Variants in PRKN observed in about 807,000 individuals in gnomAD.
PRKN encodes E3 ubiquitin-protein ligase parkin.
PRKN carries 56 observed loss-of-function variants against 59.5 expected under a neutral mutation model. The observed-to-expected ratio is 0.94, with a 90% confidence interval of 0.76 to 1.18. PRKN has a LOEUF of 1.18. PRKN is among the 50% of genes most tolerant of loss of function. PRKN has a pLI of 0.00. For synonymous variants in PRKN, 250 were observed against 222.1 expected, an observed-to-expected ratio of 1.13 and a Z score of -1.12; for missense variants, 657 against 596.4, an observed-to-expected ratio of 1.10 and a Z score of -1.06.
At chr6:162,276,212 G>C (rs954038464) in intron 2 of PRKN, among the ~76,000 whole-genome samples, 1 of 152,100 alleles carries the variant, frequency 6.6e-6, no homozygotes, top group South Asian at 2.1e-4. Flanking sequence ...AATCTCCTTC[G>C]TCTTCCATCT....
chr6:162,145,824 T>C (rs566096322), intron 4 of PRKN, among the ~76,000 whole-genome samples: 1 of 152,222 alleles, frequency 6.6e-6, no homozygotes, highest in East Asian at 1.9e-4. Context: ...TAAACAAACA[T>C]CTGATGGGCG....
At chr6:161,512,637 TAACCACAC>T (rs1778436419) in intron 9 of PRKN, among the ~76,000 whole-genome samples, 1 of 152,154 alleles carries the variant, frequency 6.6e-6, no homozygotes, top group Admixed American at 6.5e-5. Flanking sequence ...GCACCCAAAA[TAACCACAC>T]AACCAAGAGG....
chr6:161,802,305 C>G (rs1791115214), intron 6 of PRKN, among the ~76,000 whole-genome samples: 1 of 152,086 alleles, frequency 6.6e-6, no homozygotes, highest in South Asian at 2.1e-4. Context: ...CACACTGCCC[C>G]TTCTCTGTCC....
rs1487979132 is a variant in PRKN, at chr6:161,376,986, T to C, written c.1167+9808A>G. Among the ~76,000 whole-genome samples the C allele has an allele frequency of 6.6e-6, 1 of 152,222 alleles. No individual in the cohort carries two copies. The highest frequency in any genetic ancestry group is 1.9e-4 in the East Asian group (1 of 5,186). On this transcript the variant is annotated intron_variant, in intron 10 of 11. Transcript: ENST00000366898. The surrounding 1 kb of genome is among the most constrained non-coding windows in gnomAD (Gnocchi z 7.3). ...GCCTGTCACTGTTGGAAGAAAGTGC[T>C]GGAAGCTCTGAGTGGGGCCCCGAGG...
intron 7 of PRKN, among the ~76,000 whole-genome samples, chr6:161,667,713 A>G (rs1436637560): frequency 6.6e-6 from 1 of 152,174 alleles, no homozygotes; most frequent in East Asian, 1.9e-4. Flanking sequence ...TATGTTTTAA[A>G]TTTTATTTAA....
rs10655203 is a variant in PRKN, at chr6:161,405,607, A to AAAAT, written c.1084-18734_1084-18731dup. ...AAAAAATAAAATAAAATAAAAATTA[A>AAAAT]AAATAAATAAATAAATAAATAAATA... On this transcript the variant is annotated intron_variant, in intron 9 of 11. Transcript: ENST00000366898. The surrounding 1 kb of genome is among the most constrained non-coding windows in gnomAD (Gnocchi z 5.1). 0.14 allele frequency among the ~76,000 whole-genome samples: 19,635 copies of AAAAT among 144,928 alleles called. 1,433 individuals carry two copies. The highest frequency in any genetic ancestry group is 0.18 in the Middle Eastern group (51 of 276).
intron 2 of PRKN, among the ~76,000 whole-genome samples, chr6:162,397,279 T>C (rs1787521820): frequency 1.3e-5 from 2 of 152,056 alleles, no homozygotes. Context: ...AGAAGCAAAC[T>C]CGGGAATATC....
At position 161,429,939 on chromosome 6, in the gene PRKN, C is replaced by T. The variant is rs527354502; in HGVS notation, c.1084-43062G>A. On this transcript the variant is annotated intron_variant, in intron 9 of 11. Coordinates refer to ENST00000366898, the MANE Select transcript of PRKN (RefSeq NM_004562.3). The surrounding 1 kb of genome is among the most constrained non-coding windows in gnomAD (Gnocchi z 4.2). Reference sequence around the variant, plus strand: ...GAGGCCAGGAGAAGACCAGAGGTTCCTGGGTCAGAGACAAAGGACCATGCA... The same window carrying T: ...GAGGCCAGGAGAAGACCAGAGGTTCTTGGGTCAGAGACAAAGGACCATGCA... Among the ~76,000 whole-genome samples, 1 of 152,298 alleles carries T rather than the reference C, an allele frequency of 6.6e-6. No individual in the cohort carries two copies. Among genetic ancestry groups the T allele is most frequent in the African/African-American group, 2.4e-5 (1 of 41,536 alleles).
intron 7 of PRKN, among the ~76,000 whole-genome samples, chr6:161,755,240 T>G (rs1262759242): frequency 6.6e-6 from 1 of 152,130 alleles, no homozygotes; most frequent in Non-Finnish European, 1.5e-5. Flanking sequence ...ATTCTTTTTA[T>G]CATCCATACT....
rs1436576885 is a variant in PRKN at position 161,399,482 on chromosome 6, G to C, written c.1084-12605C>G. On this transcript the variant is annotated intron_variant, in intron 9 of 11. Transcript: ENST00000366898. The surrounding 1 kb of genome is among the most constrained non-coding windows in gnomAD (Gnocchi z 4.4). ...GACACTACTGTGGGGCCAGAGCCCAGAAGTGCTCGTCCTGGCTCCTGCACC... is the reference window on the plus strand; with the variant it reads ...GACACTACTGTGGGGCCAGAGCCCACAAGTGCTCGTCCTGGCTCCTGCACC... Among the ~76,000 whole-genome samples, 3 of 152,214 alleles carry C rather than the reference G, an allele frequency of 2.0e-5. No homozygotes were observed. The highest frequency in any genetic ancestry group is 2.9e-5 in the Non-Finnish European group (2 of 68,048).
At chr6:162,322,200 C>T (rs902466859) in intron 2 of PRKN, among the ~76,000 whole-genome samples, 1 of 115,000 alleles carries the variant, frequency 8.7e-6, no homozygotes, top group Non-Finnish European at 2.1e-5. Context: ...ACACCATTTA[C>T]AATAGATCAA....
intron 2 of PRKN, among the ~76,000 whole-genome samples, chr6:162,363,915 T>G (rs956216730): frequency 6.6e-6 from 1 of 152,184 alleles, no homozygotes; most frequent in Non-Finnish European, 1.5e-5. Flanking sequence ...AAGGCTTGCA[T>G]GCGGCTTGCT....
rs558003791 is a variant in PRKN at position 162,367,180 on chromosome 6, TCTC to T, written c.171+76127_171+76129del. On this transcript the variant is annotated intron_variant, in intron 2 of 11. Coordinates refer to ENST00000366898, the MANE Select transcript of PRKN (RefSeq NM_004562.3). ...ACTTTTTCCCCTTTTGCTCGGCAGT[TCTC>T]CTTGCTGCCATCATGTGATGAAGGA... is the stretch of plus-strand genomic sequence containing the variant. 5.9e-5 allele frequency among the ~76,000 whole-genome samples: 9 copies of T among 152,202 alleles called. 1 individual carries two copies. In the East Asian group the frequency reaches 1.6e-3, roughly 26 times the overall value.
chr6:162,533,031 G>A (rs1242174528), intron 1 of PRKN, among the ~76,000 whole-genome samples: 1 of 152,180 alleles, frequency 6.6e-6, no homozygotes, highest in Non-Finnish European at 1.5e-5. Flanking sequence ...CTTATCGGCT[G>A]TACTGACGTG....
At chr6:162,002,614 T>C in intron 5 of PRKN, among the ~76,000 whole-genome samples, 1 of 151,894 alleles carries the variant, frequency 6.6e-6, no homozygotes, top group East Asian at 1.9e-4. Flanking sequence ...TTTTCTCTAT[T>C]GATTTCGTAT....
chr6:162,124,485 A>C (rs1416302009), intron 4 of PRKN, among the ~76,000 whole-genome samples: 2 of 152,186 alleles, frequency 1.3e-5, no homozygotes, highest in East Asian at 3.9e-4. Flanking sequence ...GCAGACATTA[A>C]GCAAGAAAAG....
intron 3 of PRKN, among the ~76,000 whole-genome samples, chr6:162,224,847 A>G (rs1442235705): frequency 6.6e-6 from 1 of 152,142 alleles, no homozygotes; most frequent in Non-Finnish European, 1.5e-5. Flanking sequence ...GAGCTGCTAT[A>G]AGAGTTTTAC....
chr6:162,338,396 G>A (rs903435476), intron 2 of PRKN, among the ~76,000 whole-genome samples: 1 of 151,960 alleles, frequency 6.6e-6, no homozygotes, highest in African/African-American at 2.4e-5. Context: ...CCGAGTGCCT[G>A]CTACTGCAGG....
chr6:162,438,556 A>G (rs747684236), intron 2 of PRKN, among the ~76,000 whole-genome samples: 1 of 152,108 alleles, frequency 6.6e-6, no homozygotes, highest in Non-Finnish European at 1.5e-5. Flanking sequence ...TTCACTGGGT[A>G]TAATATTACA....
Sources: allele counts gnomAD v4.1 joint callset (sites outside exome capture counted in the v4.1 genomes callset), GRCh38; gene constraint gnomAD v4.1.1; non-coding constraint Gnocchi (gnomAD v3.1); transcripts MANE v1.5; gene names NCBI Gene and HGNC (gene_info 2026-07-23, HGNC 2026-07-21).